PLEKHA7: variants seen among roughly 807,000 people sequenced by gnomAD.
The protein encoded by PLEKHA7 is pleckstrin homology domain containing A7.
Under a neutral mutation model 170.0 loss-of-function variants are expected in PLEKHA7, and 104 were observed. That is an observed-to-expected ratio of 0.61 (90% CI 0.52 to 0.72). The LOEUF is 0.72. PLEKHA7 is among the 30% of genes least tolerant of loss of function. The probability of loss-of-function intolerance (pLI) is 0.00; values close to 1 mark genes in which losing one functional copy is unlikely to be tolerated. For synonymous variants in PLEKHA7, 648 were observed against 660.8 expected (o/e 0.98, Z 0.30); for missense variants, 1,615 against 1,671.7 (o/e 0.97, Z 0.59).
At chr11:16,959,018 C>T (rs1251480188) in intron 3 of PLEKHA7, among the ~76,000 whole-genome samples, 1 of 152,206 alleles carries the variant, frequency 6.6e-6, no homozygotes, top group Non-Finnish European at 1.5e-5. Context: ...TGGCCACCTG[C>T]CATTGCACCC....
chr11:16,908,405 C>T (rs957348013), intron 3 of PLEKHA7, among the ~76,000 whole-genome samples: 8 of 152,040 alleles, frequency 5.3e-5, no homozygotes, highest in African/African-American at 1.9e-4. Flanking sequence ...AGGTGGCAGC[C>T]TTCAAGCCAA....
intron 3 of PLEKHA7, among the ~76,000 whole-genome samples, chr11:16,934,578 A>G (rs1374547448): frequency 6.6e-6 from 1 of 152,222 alleles, no homozygotes; most frequent in African/African-American, 2.4e-5. Context: ...AAACAGTACC[A>G]GGCTATTGCC....
At chr11:16,882,443 A>G (rs1855779784) in intron 3 of PLEKHA7, among the ~76,000 whole-genome samples, 1 of 152,214 alleles carries the variant, frequency 6.6e-6, no homozygotes, top group African/African-American at 2.4e-5. Flanking sequence ...AATTTTATGT[A>G]TTTTTAAAGA....
At chr11:16,831,189 T>C (rs1851076623) in intron 9 of PLEKHA7, among the ~76,000 whole-genome samples, 1 of 152,192 alleles carries the variant, frequency 6.6e-6, no homozygotes. Context: ...GTTCAGGCTG[T>C]GGCTGCAGGT....
chr11:16,785,900 G>A (rs1241303865), intron 24 of PLEKHA7, among the ~76,000 whole-genome samples: 2 of 152,262 alleles, frequency 1.3e-5, no homozygotes, highest in South Asian at 2.1e-4. Flanking sequence ...TGCTGCTCAC[G>A]TGCCTACTAT....
chr11:16,967,261 T>A (rs1862430068), intron 3 of PLEKHA7, among the ~76,000 whole-genome samples: 1 of 152,114 alleles, frequency 6.6e-6, no homozygotes, highest in African/African-American at 2.4e-5. Context: ...AAAAGAACAT[T>A]CCCATTAAAA....
At chr11:16,809,306 G>A (rs1849199809) in intron 13 of PLEKHA7, among the ~76,000 whole-genome samples, 1 of 152,178 alleles carries the variant, frequency 6.6e-6, no homozygotes, top group Non-Finnish European at 1.5e-5. Context: ...CAGCTGATTG[G>A]GGGGCAGGGG....
In PLEKHA7 at chr11:16,816,814, C is replaced by T. The variant is rs1490844234; in HGVS notation, c.1852G>A (p.Gly618Ser). The change falls in exon 11 of 27, where the codon GGC (glycine) becomes AGC (serine). Residue 618 changes from glycine (G) to serine (S), a missense_variant. Coordinates refer to ENST00000531066, the MANE Select transcript of PLEKHA7 (RefSeq NM_001329630.2). ...SLGDSPRRARGHAVKNSSHVD... is the reference protein window; with the variant it reads ...SLGDSPRRARSHAVKNSSHVD... ...CCGAGCCTCACCTTGACAGCGTGGC[C>T]CCGTGCCCTCCTTGGAGAATCCCCC... 1.2e-6 allele frequency: 2 copies of T among 1,613,864 alleles called. No individual in the cohort carries two copies. The highest frequency in any genetic ancestry group is 2.2e-5 in the South Asian group (2 of 91,066).
At chr11:16,780,213 C>T (rs1848922286) in intron 26 of PLEKHA7, among the ~76,000 whole-genome samples, 1 of 152,206 alleles carries the variant, frequency 6.6e-6, no homozygotes, top group South Asian at 2.1e-4. Context: ...AGCAACAGGC[C>T]CAGGCCAAGA....
chr11:16,814,481 T>C (rs930493115), intron 12 of PLEKHA7, among the ~76,000 whole-genome samples: 3 of 152,150 alleles, frequency 2.0e-5, no homozygotes, highest in African/African-American at 7.2e-5. Context: ...CAGGGAGGGA[T>C]CCTTTTCTTT....
intron 13 of PLEKHA7, among the ~76,000 whole-genome samples, chr11:16,807,526 T>C (rs1849074272): frequency 6.6e-6 from 1 of 152,166 alleles, no homozygotes; most frequent in African/African-American, 2.4e-5. Flanking sequence ...TCAGTGTTCA[T>C]TTCCTTCCTG....
At chr11:16,829,717 A>T (rs1001595096) in intron 9 of PLEKHA7, among the ~76,000 whole-genome samples, 2 of 152,204 alleles carry the variant, frequency 1.3e-5, no homozygotes, top group Non-Finnish European at 2.9e-5. Context: ...CACAGGTTGC[A>T]GTAGCTGAGA....
rs146950962 is a variant in PLEKHA7 at position 17,008,225 on chromosome 11, G to A, written c.221+5764C>T. 3.8e-4 allele frequency among the ~76,000 whole-genome samples: 58 copies of A among 152,334 alleles called. 1 individual carries two copies. Among genetic ancestry groups the A allele is most frequent in the African/African-American group, 1.3e-3 (52 of 41,572 alleles). On this transcript the variant is annotated intron_variant, in intron 3 of 26. Coordinates refer to ENST00000531066, the MANE Select transcript of PLEKHA7 (RefSeq NM_001329630.2). ...AAACTGAGAAACCTGAAGCTAGAAAGGGTCTTGTGCAATCAGCTGGTTCCT... is the reference window on the plus strand; with the variant it reads ...AAACTGAGAAACCTGAAGCTAGAAAAGGTCTTGTGCAATCAGCTGGTTCCT...
chr11:16,792,579 T>C (rs1847937882), intron 19 of PLEKHA7, among the ~76,000 whole-genome samples: 1 of 149,700 alleles, frequency 6.7e-6, no homozygotes. Context: ...AAAGTCAAGA[T>C]TGTGGTTACT....
rs967750445 is a variant in PLEKHA7 at position 16,782,935 on chromosome 11, C to T, written c.3651-39G>A. 2.2e-5 allele frequency: 33 copies of T among 1,528,166 alleles called. No individual in the cohort carries two copies. In the African/African-American group the frequency reaches 4.4e-4, roughly 20 times the overall value. 94.7% of individuals were successfully genotyped at this position (1,528,166 alleles called of 1,614,324 possible). ...GGAAGCAGACCATGGGCCCTCCTGC[C>T]CTGGGTAGCAGCCTCAGGAGTGGAG... On this transcript the variant is annotated intron_variant, in intron 25 of 26. Transcript: ENST00000531066.
chr11:16,916,751 A>G (rs761156141), intron 3 of PLEKHA7, among the ~76,000 whole-genome samples: 1 of 152,130 alleles, frequency 6.6e-6, no homozygotes, highest in Non-Finnish European at 1.5e-5. Flanking sequence ...AGCTCCACCT[A>G]GTTTTCTGAT....
intron 3 of PLEKHA7, among the ~76,000 whole-genome samples, chr11:16,931,871 G>A (rs761879702): frequency 6.6e-5 from 10 of 151,942 alleles, no homozygotes; most frequent in Non-Finnish European, 5.9e-5. Context: ...ACTAGGGCAC[G>A]ATGAAAGGTG....
intron 13 of PLEKHA7, among the ~76,000 whole-genome samples, chr11:16,807,603 A>C (rs1849080045): frequency 6.6e-6 from 1 of 152,196 alleles, no homozygotes; most frequent in Non-Finnish European, 1.5e-5. Context: ...GTCCTCCCTC[A>C]TCACATTCTG....
rs538278175 is a variant in PLEKHA7, at chr11:16,926,183, T to C, written c.222-55001A>G. ...TGACAAGCCAGGAATGAAGACTTGGTTGGATGTGACTGCGACCTCATCGCC... is the reference window on the plus strand; with the variant it reads ...TGACAAGCCAGGAATGAAGACTTGGCTGGATGTGACTGCGACCTCATCGCC... On this transcript the variant is annotated intron_variant, in intron 3 of 26. Transcript: ENST00000531066. Among the ~76,000 whole-genome samples, 12 of 152,336 alleles carry C rather than the reference T, an allele frequency of 7.9e-5. No individual in the cohort carries two copies. In the South Asian group the frequency reaches 2.5e-3, roughly 32 times the overall value.
Sources: allele counts gnomAD v4.1 joint callset (sites outside exome capture counted in the v4.1 genomes callset), GRCh38; gene constraint gnomAD v4.1.1; transcripts MANE v1.5; gene names NCBI Gene and HGNC (gene_info 2026-07-23, HGNC 2026-07-21).